The following IRAK1BP1 variants were observed in gnomAD, a reference collection of about 807,000 sequenced individuals.
The protein encoded by IRAK1BP1 is interleukin 1 receptor associated kinase 1 binding protein 1.
In IRAK1BP1, 24 loss-of-function variants were observed where a neutral mutation model predicts 28.0. The observed-to-expected ratio is 0.86, with a 90% CI of 0.62 to 1.20. IRAK1BP1 has a LOEUF of 1.20. Ranked by LOEUF, IRAK1BP1 falls within the 50% of genes most tolerant of loss-of-function variation. IRAK1BP1 has a pLI of 0.00. For missense variants in IRAK1BP1, 336 were observed against 316.7 expected, an observed-to-expected ratio of 1.06 and a Z score of -0.46; for synonymous variants, 131 against 116.3, an observed-to-expected ratio of 1.13 and a Z score of -0.81.
chr6:78,977,741 C>G, the IRAK1BP1 span, among the ~76,000 whole-genome samples: 2 of 152,138 alleles, frequency 1.3e-5, no homozygotes, highest in Non-Finnish European at 2.9e-5. Context: ...TATCACTGTA[C>G]TATATCACAA....
At chr6:78,872,835 T>G (rs1263736488) in intron 1 of IRAK1BP1, among the ~76,000 whole-genome samples, 1 of 152,212 alleles carries the variant, frequency 6.6e-6, no homozygotes, top group African/African-American at 2.4e-5. Flanking sequence ...CAAGAAATGA[T>G]ACTGCCATTT....
At chr6:78,962,873 G>C in the IRAK1BP1 span, among the ~76,000 whole-genome samples, 3 of 152,160 alleles carry the variant, frequency 2.0e-5, no homozygotes, top group South Asian at 6.2e-4. Context: ...GGCACTTCTA[G>C]GAGGCCCTTA....
intron 4 of IRAK1BP1, chr6:78,941,292 G>A: frequency 6.2e-7 from 1 of 1,613,260 alleles, no homozygotes; most frequent in Non-Finnish European, 8.5e-7. Context: ...CCATTTACTT[G>A]AATGGTTCCT....
At chr6:78,944,964 T>A (rs766905699) in intron 4 of IRAK1BP1, among the ~76,000 whole-genome samples, 1 of 131,450 alleles carries the variant, frequency 7.6e-6, no homozygotes, top group Non-Finnish European at 1.7e-5. Context: ...TAAAAGTCAG[T>A]CTAGAAAAAT....
intron 4 of IRAK1BP1, chr6:78,935,346 T>A (rs893838739): frequency 1.7e-5 from 3 of 174,052 alleles, no homozygotes; most frequent in African/African-American, 7.2e-5. Flanking sequence ...TGTATTCATA[T>A]CTAATGGTCT....
At chr6:78,949,225 G>A (rs957344678), downstream of IRAK1BP1, among the ~76,000 whole-genome samples, 12 of 152,034 alleles carry the variant, frequency 7.9e-5, no homozygotes, top group African/African-American at 2.9e-4. Flanking sequence ...TTCAGATTCT[G>A]CATTTGTCTA....
At chr6:78,935,516 CT>C in intron 4 of IRAK1BP1, 1 of 977,888 alleles carries the variant, frequency 1.0e-6, no homozygotes, top group Non-Finnish European at 1.2e-6. Flanking sequence ...AAATGTATCT[CT>C]TACGAAAGTA....
chr6:78,968,135 AAAAAT>A, the IRAK1BP1 span, among the ~76,000 whole-genome samples: 1 of 152,310 alleles, frequency 6.6e-6, no homozygotes, highest in East Asian at 1.9e-4. Context: ...ACTCCATCTC[AAAAAT>A]AAAATAAAAT....
chr6:78,904,542 A>C (rs1772211559), downstream of IRAK1BP1, among the ~76,000 whole-genome samples: 1 of 152,258 alleles, frequency 6.6e-6, no homozygotes, highest in Admixed American at 6.5e-5. Context: ...TTTTACTTCC[A>C]AAGGATATTT....
chr6:78,904,517 T>C (rs1256562047), downstream of IRAK1BP1, among the ~76,000 whole-genome samples: 1 of 152,250 alleles, frequency 6.6e-6, no homozygotes, highest in Non-Finnish European at 1.5e-5. Flanking sequence ...TTGAATTTGT[T>C]CGCACGGGCA....
intron 4 of IRAK1BP1, chr6:78,938,711 AAAAAACCT>A (rs1773362204): frequency 2.0e-5 from 3 of 151,708 alleles, no homozygotes; most frequent in Admixed American, 6.6e-5. Flanking sequence ...ATAAATATAC[AAAAAACCT>A]GAAAAATTTG....
chr6:78,940,772 G>T, intron 4 of IRAK1BP1: 2 of 1,613,742 alleles, frequency 1.2e-6, no homozygotes, highest in Non-Finnish European at 1.7e-6. Flanking sequence ...AAAAGTTAAA[G>T]AGGTGTCTTC....
the IRAK1BP1 span, among the ~76,000 whole-genome samples, chr6:78,971,403 G>C: frequency 6.6e-6 from 1 of 152,186 alleles, no homozygotes; most frequent in Non-Finnish European, 1.5e-5. Context: ...CTTGAACACA[G>C]CAGTCTGACA....
intron 2 of IRAK1BP1, among the ~76,000 whole-genome samples, 176 bp from the exon 3 acceptor site, chr6:78,897,653 C>A (rs1174518541): frequency 6.6e-6 from 1 of 151,888 alleles, no homozygotes; most frequent in African/African-American, 2.4e-5. Context: ...AATTCAAAAG[C>A]AAAAATCTTA....
At chr6:78,951,950 A>G in the IRAK1BP1 span, among the ~76,000 whole-genome samples, 2 of 152,226 alleles carry the variant, frequency 1.3e-5, no homozygotes, top group Non-Finnish European at 2.9e-5. Flanking sequence ...CAACATCAGT[A>G]AAGTGAGTGG....
At chr6:78,946,469 T>C (rs1392948375), downstream of IRAK1BP1, 4 of 1,401,344 alleles carry the variant, frequency 2.9e-6, no homozygotes, top group South Asian at 5.1e-5. Flanking sequence ...ACGGAAAGCA[T>C]GATGCCATCA....
rs1772040973 is a variant in IRAK1BP1 at position 78,900,089 on chromosome 6, A to G, written c.*1755A>G. 6.6e-6 allele frequency: 1 copy of G among 152,220 alleles called. No individual in the cohort carries two copies. The highest frequency in any genetic ancestry group is 1.5e-5 in the Non-Finnish European group (1 of 68,046). 9.4% of individuals were successfully genotyped at this position (152,220 alleles called of 1,614,324 possible). On this transcript the variant is annotated 3_prime_UTR_variant, in exon 4 of 4. Transcript: ENST00000369940. ...TTTTAAATTAGTTAAAATTAAATAA[A>G]ATTTAAAATTTAGTTCCTCAGTCAC...
chr6:78,961,541 C>T, the IRAK1BP1 span: 1 of 669,408 alleles, frequency 1.5e-6, no homozygotes, highest in Non-Finnish European at 2.4e-6. Context: ...TCCAAATCTA[C>T]TGAATAAGAT....
At chr6:78,913,131 C>A (rs780911016) in intron 4 of IRAK1BP1, among the ~76,000 whole-genome samples, 26 of 151,128 alleles carry the variant, frequency 1.7e-4, no homozygotes, top group Non-Finnish European at 3.5e-4. Flanking sequence ...GTCAGGAGAT[C>A]GAGACCATCC....
Sources: gnomAD v4.1 joint callset for allele counts (sites outside exome capture counted in the v4.1 genomes callset) on GRCh38, gnomAD v4.1.1 for gene constraint, MANE v1.5 for transcripts, NCBI Gene and HGNC (gene_info 2026-07-23, HGNC 2026-07-21) for gene names.